Variants in AGER observed in about 807,000 individuals in gnomAD.
AGER encodes the protein advanced glycation end product-specific receptor.
A neutral mutation model predicts 48.8 loss-of-function variants in AGER; 46 were observed. That is an observed-to-expected ratio of 0.94 (90% CI 0.74 to 1.20). The LOEUF (loss-of-function observed/expected upper bound fraction) is 1.20. AGER is among the 50% of genes most tolerant of loss of function. AGER has a pLI of 0.00. For missense variants in AGER, 489 were observed against 515.0 expected (o/e 0.95, Z 0.49); for synonymous variants, 170 against 199.9 (o/e 0.85, Z 1.26).
At position 32,181,523 on chromosome 6, in the gene AGER, C is replaced by A; in HGVS notation, c.992-46G>T. On this transcript the variant is annotated intron_variant, in intron 9 of 10. Coordinates refer to ENST00000375076, the MANE Select transcript of AGER (RefSeq NM_001136.5). This position sits in a 1 kb window ranked among gnomAD's most constrained non-coding sequence, Gnocchi z 4.1. ...TTGAGAGCACAGCCACCACCACTCA[C>A]CATTCCTTTCTTGTTGACCATCCCC... 6.2e-7 allele frequency: 1 copy of A among 1,613,188 alleles called. No homozygotes were observed. Among genetic ancestry groups the A allele is most frequent in the Non-Finnish European group, 8.5e-7 (1 of 1,180,048 alleles).
At chr6:32,183,091 T>C (rs770589973) in intron 5 of AGER, 23 bp downstream of exon 5, 1 of 1,613,014 alleles carries the variant, frequency 6.2e-7, no homozygotes, top group South Asian at 1.1e-5. Context: ...AGAAGGCAGC[T>C]TGGGGGGCAC....
chr6:32,183,563 C>A lies in AGER; in HGVS notation c.347G>T (p.Arg116Leu), dbSNP rs764348350. 80 of 1,612,926 alleles carry A rather than the reference C, an allele frequency of 5.0e-5. No homozygotes were observed. The highest frequency in any genetic ancestry group is 6.6e-5 in the South Asian group (6 of 91,086). ...GACCCTGGAATTCTTACGGTAGACA[C>A]GGACTCGGTAGTTGGACTTGGTCTC... ...GKETKSNYRV[R>L]VYQIPGKPEI... The change falls in exon 3 of 11, where the codon CGT becomes CTT. Residue 116 changes from arginine to leucine, a missense_variant. Physicochemically the swap from Arg to Leu is moderately radical, Grantham distance 102. Coordinates refer to ENST00000375076, the MANE Select transcript of AGER (RefSeq NM_001136.5).
In AGER at chr6:32,182,997, T is replaced by C. The variant is rs370118672; in HGVS notation, c.535A>G (p.Arg179Gly). 1.9e-6 allele frequency: 3 copies of C among 1,612,932 alleles called. No homozygotes were observed. In the African/African-American group the frequency reaches 4.0e-5, roughly 22 times the overall value. The change falls in exon 6 of 11, where the codon AGA becomes GGA. Residue 179 changes from arginine to glycine, a missense_variant. Coordinates refer to ENST00000375076, the MANE Select transcript of AGER (RefSeq NM_001136.5). This position sits in a 1 kb window ranked among gnomAD's most constrained non-coding sequence, Gnocchi z 5.1. ...KGVSVKEQTR[R>G]HPETGLFTLQ... ...GTGAAGAGCCCTGTCTCAGGGTGTC[T>C]CCTGGTCTGTTCCTTCACAGATACT...
chr6:32,183,433 C>T (rs1786625202), intron 3 of AGER, 45 bp from the exon 4 acceptor site: 2 of 1,609,772 alleles, frequency 1.2e-6, no homozygotes, highest in East Asian at 4.5e-5. Context: ...TGTGAAGGTT[C>T]TCAAACTCTG....
rs772834826 is a variant in AGER, at chr6:32,182,962, C to T, written c.570G>A (p.Ser190=). 19 of 1,612,704 alleles carry T rather than the reference C, an allele frequency of 1.2e-5. No individual in the cohort carries two copies. The highest frequency in any genetic ancestry group is 2.2e-5 in the East Asian group (1 of 44,896). ...CCCGGGCTGGGGTCACCATTAGCTC[C>T]GACTGCAGTGTGAAGAGCCCTGTCT... is the stretch of plus-strand genomic sequence containing the variant. ...HPETGLFTLQ[S]ELMVTPARGG... The change falls in exon 6 of 11, where the codon TCG becomes TCA. Residue 190 remains serine (S), a synonymous_variant. Coordinates refer to ENST00000375076, the MANE Select transcript of AGER (RefSeq NM_001136.5). The surrounding 1 kb of genome is among the most constrained non-coding windows in gnomAD (Gnocchi z 5.1).
chr6:32,182,526 T>C lies in AGER; in HGVS notation c.822+42A>G, dbSNP rs144335694. 173 of 1,605,040 alleles carry C rather than the reference T, an allele frequency of 1.1e-4. 1 individual carries two copies. The highest frequency in any genetic ancestry group is 1.4e-4 in the Non-Finnish European group (169 of 1,174,214). On this transcript the variant is annotated intron_variant, in intron 7 of 10. Coordinates refer to ENST00000375076, the MANE Select transcript of AGER (RefSeq NM_001136.5). This position sits in a 1 kb window ranked among gnomAD's most constrained non-coding sequence, Gnocchi z 5.1. The stretch of plus-strand genomic sequence containing the variant: ...CCTCTGCCCTCCCTGTTGCTAGTTA[T>C]GGTTCACCCTACCTCCCAGCCCCTC...
rs752401874 is a variant in AGER, at chr6:32,181,616, C to T, written c.981G>A (p.Gly327=). ...SISIIEPGEE[G]PTAGSVGGSG... ...TATCAAACCCCTCACCTGCAGTTGG[C>T]CCCTCCTCGCCTGGTTCTGGAAGAC... The change falls in exon 9 of 11, where the codon GGG becomes GGA. Residue 327 remains glycine, a synonymous_variant. Transcript: ENST00000375076. This position sits in a 1 kb window ranked among gnomAD's most constrained non-coding sequence, Gnocchi z 4.1. 5.0e-6 allele frequency: 8 copies of T among 1,613,102 alleles called. No homozygotes were observed. In the Admixed American group the frequency reaches 1.3e-4, roughly 27 times the overall value.
chr6:32,182,865 C>T lies in AGER; in HGVS notation c.667G>A (p.Ala223Thr), dbSNP rs1362733488. 1 of 1,611,618 alleles carries T rather than the reference C, an allele frequency of 6.2e-7. No homozygotes were observed. Among genetic ancestry groups the T allele is most frequent in the South Asian group, 1.1e-5 (1 of 91,042 alleles). The change falls in exon 6 of 11, where the codon GCC (alanine) becomes ACC (threonine). Residue 223 changes from alanine (A) to threonine (T), a missense_variant. By Grantham distance (58) the Ala-to-Thr change is moderately conservative. Transcript: ENST00000375076. This position sits in a 1 kb window ranked among gnomAD's most constrained non-coding sequence, Gnocchi z 5.1. Reference sequence around the variant, plus strand: ...CCCCAGACACGGGGCTGGATGGGGGCTGTGCGCAAGGCCCGGTGTCGGGGA... The same window carrying T: ...CCCCAGACACGGGGCTGGATGGGGGTTGTGCGCAAGGCCCGGTGTCGGGGA... ...GLPRHRALRTAPIQPRVWEPV... is the reference protein window; with the variant it reads ...GLPRHRALRTTPIQPRVWEPV...
Position 32,181,256 on chromosome 6 carries a change from G to T in AGER, c.1119-17C>A, listed in dbSNP as rs770950798. The T allele has an allele frequency of 6.2e-7, 1 of 1,614,056 alleles. No homozygotes were observed. Among genetic ancestry groups the T allele is most frequent in the South Asian group, 1.1e-5 (1 of 91,082 alleles). On this transcript the variant is annotated splice_polypyrimidine_tract_variant and intron_variant, in intron 10 of 10. Transcript: ENST00000375076. The surrounding 1 kb of genome is among the most constrained non-coding windows in gnomAD (Gnocchi z 4.1). ...GGGGCCTTCCTGAGGAGAAAGATTG[G>T]GGGGAATGCGGCACGTTGTCGTTCC...
At position 32,183,745 on chromosome 6, in the gene AGER, T is replaced by G; in HGVS notation, c.165A>C (p.Thr55=). 2 of 1,612,844 alleles carry G rather than the reference T, an allele frequency of 1.2e-6. No homozygotes were observed. Among genetic ancestry groups the G allele is most frequent in the East Asian group, 4.5e-5 (2 of 44,874 alleles). The part of the protein sequence containing the change: ...PPQRLEWKLN[T]GRTEAWKVLS... ...GGACCTTCCAAGCTTCTGTCCGGCC[T>G]GTGTTCTAGAAGCAGAGAAGCAGGG... Residue 55 remains threonine (T), a synonymous_variant, in exon 3 of 11, where the codon ACA becomes ACC. Transcript: ENST00000375076.
rs1295731702 is a variant in AGER, at chr6:32,181,630, G to T, written c.967C>A (p.Pro323Thr). 1 of 1,613,012 alleles carries T rather than the reference G, an allele frequency of 6.2e-7. No individual in the cohort carries two copies. The change falls in exon 9 of 11, where the codon CCA (proline) becomes ACA (threonine). Residue 323 changes from proline to threonine, a missense_variant and splice_region_variant. By Grantham distance (38) the Pro-to-Thr change is conservative (BLOSUM62 -1). Transcript: ENST00000375076. The surrounding 1 kb of genome is among the most constrained non-coding windows in gnomAD (Gnocchi z 4.1). ...SRAVSISIIE[P>T]GEEGPTAGSV... ...CCTGCAGTTGGCCCCTCCTCGCCTG[G>T]TTCTGGAAGACAAAGTTGGATCCAG...
chr6:32,183,055 G>C, intron 5 of AGER, 32 bp from the exon 6 acceptor site: 1 of 1,612,922 alleles, frequency 6.2e-7, no homozygotes. Context: ...AATTATCCCA[G>C]GGTGGGTGTG....
At chr6:32,184,046 A>G (rs967627905) in intron 1 of AGER, 59 bp from the exon 2 acceptor site, 2 of 1,611,498 alleles carry the variant, frequency 1.2e-6, no homozygotes, top group African/African-American at 2.7e-5. Flanking sequence ...CAAAATTTGG[A>G]CAGGGTGGGT....
At position 32,181,565 on chromosome 6, in the gene AGER, G is replaced by T; in HGVS notation, c.991+41C>A. 2 of 1,613,116 alleles carry T rather than the reference G, an allele frequency of 1.2e-6. No individual in the cohort carries two copies. Among genetic ancestry groups the T allele is most frequent in the Non-Finnish European group, 1.7e-6 (2 of 1,180,040 alleles). ...ACCATCCCCCCAGTCACATGTGTTGGGGGCTATCTTCTGCTTCCCTGACTT... is the reference window on the plus strand; with the variant it reads ...ACCATCCCCCCAGTCACATGTGTTGTGGGCTATCTTCTGCTTCCCTGACTT... On this transcript the variant is annotated intron_variant, in intron 9 of 10. Coordinates refer to ENST00000375076, the MANE Select transcript of AGER (RefSeq NM_001136.5). This position sits in a 1 kb window ranked among gnomAD's most constrained non-coding sequence, Gnocchi z 4.1.
intron 3 of AGER, 32 bp downstream of exon 3, chr6:32,183,523 G>GACCCTCT: frequency 6.2e-7 from 1 of 1,612,820 alleles, no homozygotes; most frequent in Non-Finnish European, 8.5e-7. Flanking sequence ...TAGGTAAGAG[G>GACCCTCT]GAGGCCTTGG....
Position 32,181,003 on chromosome 6 carries a change from G to C in AGER, c.*140C>G. The C allele has an allele frequency of 1.2e-6, 1 of 821,012 alleles. No homozygotes were observed. The highest frequency in any genetic ancestry group is 2.0e-6 in the Non-Finnish European group (1 of 500,420). The allele number at this position is 821,012 out of a possible 1,614,324, so 50.9% of individuals were successfully genotyped here. ...TCAGGTGTTTAATCATCATTGTGGGGGGCTCTGGTTGTAGAAGAAAGCTTG... is the reference window on the plus strand; with the variant it reads ...TCAGGTGTTTAATCATCATTGTGGGCGGCTCTGGTTGTAGAAGAAAGCTTG... On this transcript the variant is annotated 3_prime_UTR_variant, in exon 11 of 11. Transcript: ENST00000375076. This position sits in a 1 kb window ranked among gnomAD's most constrained non-coding sequence, Gnocchi z 4.1.
rs149624763 is a variant in AGER at position 32,182,394 on chromosome 6, G to C, written c.823-6C>G. On this transcript the variant is annotated splice_region_variant and splice_polypyrimidine_tract_variant and intron_variant, in intron 7 of 10. Coordinates refer to ENST00000375076, the MANE Select transcript of AGER (RefSeq NM_001136.5). The surrounding 1 kb of genome is among the most constrained non-coding windows in gnomAD (Gnocchi z 5.1). Reference sequence around the variant, plus strand: ...GGAAGGGGCAAGGGCACACCCTGGTGGGGGAAGGGGAGAGGAGACTATTTC... The same window carrying C: ...GGAAGGGGCAAGGGCACACCCTGGTCGGGGAAGGGGAGAGGAGACTATTTC... 57 of 1,608,910 alleles carry C rather than the reference G, an allele frequency of 3.5e-5. No homozygotes were observed. In the East Asian group the frequency reaches 1.1e-3, roughly 32 times the overall value.
rs143397572 is a variant in AGER, at chr6:32,183,700, G to C, written c.210C>G (p.Gly70=). 6.8e-6 allele frequency: 11 copies of C among 1,612,984 alleles called. No homozygotes were observed. The African/African-American group carries it at 1.5e-4, about 22-fold the overall frequency. ...GGACACGAGCCACACTGTCCCAGGGGCCTCCTCCCTGGGGAGACAGGACCT... is the reference window on the plus strand; with the variant it reads ...GGACACGAGCCACACTGTCCCAGGGCCCTCCTCCCTGGGGAGACAGGACCT... ...AWKVLSPQGG[G]PWDSVARVLP... The change falls in exon 3 of 11, where the codon GGC becomes GGG. Residue 70 remains glycine (G), a synonymous_variant. Coordinates refer to ENST00000375076, the MANE Select transcript of AGER (RefSeq NM_001136.5).
Position 32,183,133 on chromosome 6 carries a change from G to A in AGER, c.489C>T (p.Pro163=). ...ACTCACCCTTCTCATTAGGCACCAG[G>A]GGCTTCCCATCCAAGTGCCAGCTAA... is the stretch of plus-strand genomic sequence containing the variant. ...GTLSWHLDGK[P]LVPNEKGVSV... Residue 163 remains proline (P), a synonymous_variant, in exon 5 of 11, where the codon CCC becomes CCT. Transcript: ENST00000375076. 1 of 1,613,076 alleles carries A rather than the reference G, an allele frequency of 6.2e-7. No individual in the cohort carries two copies. The highest frequency in any genetic ancestry group is 8.5e-7 in the Non-Finnish European group (1 of 1,180,028).
Sources: gnomAD v4.1 joint callset for allele counts on GRCh38, gnomAD v4.1.1 for gene constraint, Gnocchi (gnomAD v3.1) non-coding constraint, MANE v1.5 for transcripts, NCBI Gene and HGNC (gene_info 2026-07-23, HGNC 2026-07-21) for gene names.